The following FGF14 variants were observed in gnomAD, a reference collection of about 807,000 sequenced individuals.
The protein encoded by FGF14 is fibroblast growth factor 14.
A neutral mutation model predicts 25.5 loss-of-function variants in FGF14; 5 were observed. The ratio of observed to expected loss-of-function variants is 0.20; its 90% confidence interval spans 0.10 to 0.41. The LOEUF is 0.41. FGF14 is among the 10% of genes least tolerant of loss of function. The pLI is 1.00. For synonymous variants in FGF14, 138 were observed against 118.3 expected (o/e 1.17, Z -1.08); for missense variants, 222 against 320.1 (o/e 0.69, Z 2.34).
chr13:101,991,134 C>T (rs1314196258), intron 1 of FGF14, among the ~76,000 whole-genome samples: 1 of 152,036 alleles, frequency 6.6e-6, no homozygotes, highest in African/African-American at 2.4e-5. Flanking sequence ...CCAATATATG[C>T]TTTAAAATAT....
chr13:101,944,733 T>A (rs567297503), intron 1 of FGF14, among the ~76,000 whole-genome samples: 1 of 152,320 alleles, frequency 6.6e-6, no homozygotes, highest in South Asian at 2.1e-4. Context: ...TGACTCATGC[T>A]ACAGCATGAA....
chr13:102,256,272 A>G (rs1337334945), intron 1 of FGF14, among the ~76,000 whole-genome samples: 1 of 151,922 alleles, frequency 6.6e-6, no homozygotes, highest in Non-Finnish European at 1.5e-5. Flanking sequence ...ATTTTGGAAG[A>G]CCGAGAGCTT....
At chr13:102,286,645 G>A (rs1474884664) in intron 1 of FGF14, among the ~76,000 whole-genome samples, 1 of 152,138 alleles carries the variant, frequency 6.6e-6, no homozygotes, top group Non-Finnish European at 1.5e-5. Flanking sequence ...CCCACTATTT[G>A]TGGTGCATAA....
intron 1 of FGF14, among the ~76,000 whole-genome samples, chr13:102,354,509 C>G (rs997871912): frequency 1.3e-5 from 2 of 152,168 alleles, no homozygotes; most frequent in African/African-American, 4.8e-5. Flanking sequence ...CCAAACCAAT[C>G]TACATCTTAC....
intron 1 of FGF14, among the ~76,000 whole-genome samples, chr13:102,159,333 C>T (rs912272173): frequency 6.6e-6 from 1 of 152,098 alleles, no homozygotes; most frequent in African/African-American, 2.4e-5. Flanking sequence ...ATAGCATTGA[C>T]ATTTTAGTTG....
chr13:101,818,280 T>C (rs2041939772), intron 3 of FGF14, among the ~76,000 whole-genome samples: 2 of 152,210 alleles, frequency 1.3e-5, no homozygotes, highest in African/African-American at 4.8e-5. Context: ...AAACTCAAAC[T>C]CAGAAATTCT....
At chr13:102,218,317 A>G (rs1016552167) in intron 1 of FGF14, among the ~76,000 whole-genome samples, 8 of 152,214 alleles carry the variant, frequency 5.3e-5, no homozygotes, top group Admixed American at 2.0e-4. Flanking sequence ...CCACATCAGA[A>G]TAGACCTTGA....
At chr13:102,177,592 G>T (rs9582560) in intron 1 of FGF14, among the ~76,000 whole-genome samples, 23,991 of 151,776 alleles carry the variant, frequency 0.16, 3,396 homozygotes, top group East Asian at 0.7. Flanking sequence ...CTGATGTCTG[G>T]GTGCCAAATC....
intron 1 of FGF14, among the ~76,000 whole-genome samples, chr13:102,186,183 A>G (rs2048867169): frequency 6.6e-6 from 1 of 152,114 alleles, no homozygotes; most frequent in Admixed American, 6.6e-5. Context: ...CTAATAATAA[A>G]TGGAATATTG....
intron 3 of FGF14, among the ~76,000 whole-genome samples, chr13:101,850,694 A>G (rs1044699104): frequency 6.9e-6 from 1 of 145,718 alleles, no homozygotes; most frequent in African/African-American, 2.5e-5. Flanking sequence ...TAGAATATAT[A>G]TAGAATATAC....
chr13:102,384,786 T>C (rs1440283799), intron 1 of FGF14, among the ~76,000 whole-genome samples: 1 of 152,200 alleles, frequency 6.6e-6, no homozygotes, highest in East Asian at 1.9e-4. Flanking sequence ...GCTCTCAAAG[T>C]CATCACAAGT....
intron 3 of FGF14, among the ~76,000 whole-genome samples, chr13:101,778,715 A>G (rs1332400936): frequency 6.6e-6 from 1 of 152,164 alleles, no homozygotes; most frequent in East Asian, 1.9e-4. Context: ...AGATTACAGC[A>G]TGAATTTTGC....
chr13:102,040,960 T>G lies in FGF14; in HGVS notation c.209-165664A>C, dbSNP rs150377688. On this transcript the variant is annotated intron_variant, in intron 1 of 4. Transcript: ENST00000376131. ...AAAAATCGCTTACCTAATCACAGATTGGTGCACCTGTTGAGGCAGAGCCAA... is the reference window on the plus strand; with the variant it reads ...AAAAATCGCTTACCTAATCACAGATGGGTGCACCTGTTGAGGCAGAGCCAA... 7.8e-3 allele frequency among the ~76,000 whole-genome samples: 1,195 copies of G among 152,242 alleles called. 6 individuals carry two copies. The highest frequency in any genetic ancestry group is 0.013 in the Non-Finnish European group (883 of 68,004).
intron 1 of FGF14, among the ~76,000 whole-genome samples, chr13:102,135,060 C>CAAAA (rs1555364168): frequency 1.2e-3 from 174 of 139,270 alleles, no homozygotes; most frequent in African/African-American, 4.3e-3. Flanking sequence ...CACACACACA[C>CAAAA]AAATCCGCGT....
chr13:102,374,784 C>A (rs1421017638), intron 1 of FGF14, among the ~76,000 whole-genome samples: 1 of 148,050 alleles, frequency 6.8e-6, no homozygotes, highest in Non-Finnish European at 1.5e-5. Context: ...TCAATTTCTT[C>A]TGGTGGTTTT....
intron 1 of FGF14, among the ~76,000 whole-genome samples, chr13:102,107,563 A>T (rs534531441): frequency 5.9e-4 from 90 of 152,324 alleles, no homozygotes; most frequent in African/African-American, 2.0e-3. Context: ...GCCAGTATTT[A>T]TTGAGCTCTT....
At chr13:101,850,495 TATATATATA>T (rs2043742400) in intron 3 of FGF14, among the ~76,000 whole-genome samples, 3 of 2,092 alleles carry the variant, frequency 1.4e-3, no homozygotes, top group South Asian at 0.015. Flanking sequence ...TATATATATA[TATATATATA>T]TATATATATA....
chr13:101,825,809 G>C (rs1055502105), intron 3 of FGF14, among the ~76,000 whole-genome samples: 1 of 152,126 alleles, frequency 6.6e-6, no homozygotes, highest in African/African-American at 2.4e-5. Flanking sequence ...CTTAACTTGA[G>C]ACAGTTCCAC....
intron 1 of FGF14, among the ~76,000 whole-genome samples, chr13:102,049,380 T>C (rs191347334): frequency 9.8e-5 from 15 of 152,306 alleles, no homozygotes; most frequent in African/African-American, 2.9e-4. Context: ...CCCAGTGTCA[T>C]TGGGCCTCAC....
Sources: allele counts gnomAD v4.1 joint callset (sites outside exome capture counted in the v4.1 genomes callset), GRCh38; gene constraint gnomAD v4.1.1; transcripts MANE v1.5; gene names NCBI Gene and HGNC (gene_info 2026-07-23, HGNC 2026-07-21).